SLC24A2: variants seen among roughly 807,000 people sequenced by gnomAD.
SLC24A2 encodes sodium/potassium/calcium exchanger 2.
In SLC24A2, 36 loss-of-function variants were observed where a neutral mutation model predicts 62.0. The ratio of observed to expected loss-of-function variants is 0.58; its 90% CI spans 0.44 to 0.77. The LOEUF is 0.77. Among genes scored for constraint, SLC24A2 ranks in the 30% least tolerant of loss-of-function variants. The probability of loss-of-function intolerance (pLI) is 0.00; values close to 1 mark genes in which losing one functional copy is unlikely to be tolerated. For missense variants in SLC24A2, 846 were observed against 817.9 expected (o/e 1.03, Z -0.42); for synonymous variants, 358 against 294.0 (o/e 1.22, Z -2.23).
At chr9:19,617,482 A>G (rs1176861526) in intron 4 of SLC24A2, among the ~76,000 whole-genome samples, 3 of 152,246 alleles carry the variant, frequency 2.0e-5, no homozygotes, top group African/African-American at 4.8e-5. Context: ...CCTATTATAT[A>G]TAGATACAAG....
At chr9:20,135,252 C>T in the SLC24A2 span, among the ~76,000 whole-genome samples, 7 of 151,582 alleles carry the variant, frequency 4.6e-5, no homozygotes, top group Admixed American at 2.0e-4. Context: ...CCAAGAAATT[C>T]GACCTGACAA....
At chr9:19,740,216 T>C (rs1821632196) in intron 2 of SLC24A2, among the ~76,000 whole-genome samples, 1 of 152,114 alleles carries the variant, frequency 6.6e-6, no homozygotes, top group African/African-American at 2.4e-5. Flanking sequence ...ACCCAGCAAT[T>C]CCATTCATGG....
At chr9:19,818,340 A>G in the SLC24A2 span, among the ~76,000 whole-genome samples, 2 of 152,098 alleles carry the variant, frequency 1.3e-5, no homozygotes, top group East Asian at 1.9e-4. Context: ...AAGGACTTCA[A>G]CTTCAATGGG....
At chr9:19,983,949 G>A in the SLC24A2 span, among the ~76,000 whole-genome samples, 6 of 152,104 alleles carry the variant, frequency 3.9e-5, no homozygotes, top group Non-Finnish European at 8.8e-5. Context: ...TAGACTTATT[G>A]TTTTTTGACT....
chr9:19,958,876 A>G, the SLC24A2 span, among the ~76,000 whole-genome samples: 1 of 152,220 alleles, frequency 6.6e-6, no homozygotes, highest in Non-Finnish European at 1.5e-5. Flanking sequence ...TTTATATTCA[A>G]TTAAATCCAA....
At chr9:20,223,461 A>G in the SLC24A2 span, among the ~76,000 whole-genome samples, 1 of 152,168 alleles carries the variant, frequency 6.6e-6, no homozygotes, top group South Asian at 2.1e-4. Context: ...CAACAGAAAA[A>G]TCCCAACTGA....
At chr9:19,854,952 T>C in the SLC24A2 span, among the ~76,000 whole-genome samples, 1 of 152,156 alleles carries the variant, frequency 6.6e-6, no homozygotes. Flanking sequence ...TCTAAGAACT[T>C]GTTTTATGAA....
the SLC24A2 span, among the ~76,000 whole-genome samples, chr9:20,184,531 G>C: frequency 6.6e-6 from 1 of 152,134 alleles, no homozygotes; most frequent in Non-Finnish European, 1.5e-5. Flanking sequence ...CCTGGCAACA[G>C]AGCGAGACTC....
chr9:20,236,715 C>G, the SLC24A2 span, among the ~76,000 whole-genome samples: 8 of 152,116 alleles, frequency 5.3e-5, no homozygotes, highest in African/African-American at 1.9e-4. Flanking sequence ...TAATTAAACA[C>G]CTTCTGTTGC....
At chr9:19,775,680 C>T (rs553666618) in intron 2 of SLC24A2, among the ~76,000 whole-genome samples, 1 of 152,244 alleles carries the variant, frequency 6.6e-6, no homozygotes, top group South Asian at 2.1e-4. Flanking sequence ...AAAGGAAAAG[C>T]TGAGGGTAAG....
At chr9:19,529,880 G>A (rs546110305) in intron 8 of SLC24A2, among the ~76,000 whole-genome samples, 2 of 151,462 alleles carry the variant, frequency 1.3e-5, no homozygotes, top group South Asian at 4.2e-4. Context: ...CTCCTGAGTA[G>A]CTGGAATTAC....
At chr9:20,209,771 G>A in the SLC24A2 span, among the ~76,000 whole-genome samples, 3 of 152,080 alleles carry the variant, frequency 2.0e-5, no homozygotes, top group Admixed American at 6.6e-5. Flanking sequence ...AAGAAAAGTG[G>A]CTCTTTCTTA....
At chr9:19,749,996 T>C (rs1821937380) in intron 2 of SLC24A2, among the ~76,000 whole-genome samples, 1 of 152,172 alleles carries the variant, frequency 6.6e-6, no homozygotes, top group Admixed American at 6.6e-5. Flanking sequence ...AGCACATGCC[T>C]GCTAGACCCT....
intron 2 of SLC24A2, among the ~76,000 whole-genome samples, chr9:19,666,513 G>T (rs953553920): frequency 6.6e-6 from 1 of 152,284 alleles, no homozygotes. Flanking sequence ...CTAAGGATCG[G>T]TGCAAGCTCC....
chr9:20,144,025 C>T, the SLC24A2 span, among the ~76,000 whole-genome samples: 6 of 152,158 alleles, frequency 3.9e-5, no homozygotes, highest in Non-Finnish European at 5.9e-5. Context: ...GTAAGGTTTC[C>T]TATATGTTAC....
At chr9:19,827,515 A>ATATAT in the SLC24A2 span, among the ~76,000 whole-genome samples, 1 of 151,258 alleles carries the variant, frequency 6.6e-6, no homozygotes, top group Non-Finnish European at 1.5e-5. Flanking sequence ...TATATATATA[A>ATATAT]AAATTAGCTT....
the SLC24A2 span, among the ~76,000 whole-genome samples, chr9:20,138,505 G>T: frequency 6.6e-6 from 1 of 152,096 alleles, no homozygotes; most frequent in African/African-American, 2.4e-5. Flanking sequence ...TTTAGGTTAG[G>T]TTTGAAAACA....
intron 2 of SLC24A2, among the ~76,000 whole-genome samples, chr9:19,692,881 C>T (rs1327595674): frequency 6.6e-6 from 1 of 152,072 alleles, no homozygotes; most frequent in Non-Finnish European, 1.5e-5. Context: ...AGCAAATTGT[C>T]TCATTTTTCA....
the SLC24A2 span, among the ~76,000 whole-genome samples, chr9:20,219,107 T>C: frequency 1.3e-5 from 2 of 152,196 alleles, no homozygotes; most frequent in Non-Finnish European, 2.9e-5. Flanking sequence ...CAATCCCCTA[T>C]TTTTGAGTTA....
Sources: gnomAD v4.1 joint callset for allele counts (sites outside exome capture counted in the v4.1 genomes callset) on GRCh38, gnomAD v4.1.1 for gene constraint, MANE v1.5 for transcripts, NCBI Gene and HGNC (gene_info 2026-07-23, HGNC 2026-07-21) for gene names.